Variants in CFAP299 observed in about 807,000 individuals in gnomAD.
CFAP299 encodes the protein cilia and flagella associated protein 299, also known as cilia- and flagella-associated protein 299.
Under a neutral mutation model 27.0 loss-of-function variants are expected in CFAP299, and 21 were observed. The observed-to-expected ratio is 0.78, with a 90% CI of 0.55 to 1.12. The LOEUF is 1.12. Among genes scored for constraint, CFAP299 ranks in the 50% most tolerant of loss-of-function variants. The pLI is 0.00. For synonymous variants in CFAP299, 104 were observed against 98.1 expected (o/e 1.06, Z -0.36); for missense variants, 310 against 276.6 (o/e 1.12, Z -0.86).
the CFAP299 span, among the ~76,000 whole-genome samples, chr4:80,321,563 C>A: frequency 6.6e-6 from 1 of 152,168 alleles, no homozygotes; most frequent in Non-Finnish European, 1.5e-5. Flanking sequence ...GCCGCTCCCC[C>A]ATCGCCACAC....
intron 3 of CFAP299, among the ~76,000 whole-genome samples, chr4:80,583,846 TAGTA>T (rs1381680167): frequency 1.3e-5 from 2 of 151,938 alleles, no homozygotes; most frequent in African/African-American, 4.8e-5. Context: ...GCTAAAACTG[TAGTA>T]AGTGACTGAC....
At chr4:80,457,294 C>T (rs116712134) in intron 2 of CFAP299, among the ~76,000 whole-genome samples, 139 of 152,216 alleles carry the variant, frequency 9.1e-4, no homozygotes, top group African/African-American at 3.1e-3. Context: ...CTAATAACAT[C>T]AACTTGAAAT....
intron 2 of CFAP299, among the ~76,000 whole-genome samples, chr4:80,555,786 G>A (rs1734751613): frequency 6.6e-6 from 1 of 152,082 alleles, no homozygotes; most frequent in Admixed American, 6.6e-5. Flanking sequence ...TATGGGCTCA[G>A]AGGTGCTCAT....
At chr4:80,696,176 G>T (rs915786108) in intron 3 of CFAP299, among the ~76,000 whole-genome samples, 1 of 151,524 alleles carries the variant, frequency 6.6e-6, no homozygotes, top group African/African-American at 2.4e-5. Context: ...TGGCACGCAC[G>T]TGTAATTCCA....
At chr4:80,755,061 C>A (rs1725156523) in intron 3 of CFAP299, among the ~76,000 whole-genome samples, 1 of 152,046 alleles carries the variant, frequency 6.6e-6, no homozygotes, top group African/African-American at 2.4e-5. Flanking sequence ...AAAGTTCAGT[C>A]TGAGGTTTTT....
rs537217138 is a variant in CFAP299, at chr4:80,840,420, T to C, written c.334-29573T>C. Reference sequence around the variant, plus strand: ...TGGAGTTTTGTCTTAAAGGTAAATGTTACCGGGTTATTTTGGCTTAGTTAT... The same window carrying C: ...TGGAGTTTTGTCTTAAAGGTAAATGCTACCGGGTTATTTTGGCTTAGTTAT... On this transcript the variant is annotated intron_variant, in intron 3 of 5. Coordinates refer to ENST00000358105, the MANE Select transcript of CFAP299 (RefSeq NM_152770.3). Among the ~76,000 whole-genome samples the C allele has an allele frequency of 2.6e-5, 4 of 152,242 alleles. No homozygotes were observed. In the South Asian group the frequency reaches 6.2e-4, roughly 24 times the overall value.
chr4:80,712,310 T>G (rs1339988050), intron 3 of CFAP299, among the ~76,000 whole-genome samples: 1 of 152,200 alleles, frequency 6.6e-6, no homozygotes, highest in Non-Finnish European at 1.5e-5. Flanking sequence ...GTGTTACTAT[T>G]CATATTAGAA....
intron 3 of CFAP299, among the ~76,000 whole-genome samples, chr4:80,691,286 A>T (rs1165950775): frequency 7.4e-6 from 1 of 135,358 alleles, no homozygotes; most frequent in Non-Finnish European, 1.6e-5. Flanking sequence ...TTGATGCAAA[A>T]ATCCTCAATA....
At chr4:80,691,591 T>C (rs1246460187) in intron 3 of CFAP299, among the ~76,000 whole-genome samples, 1 of 151,786 alleles carries the variant, frequency 6.6e-6, no homozygotes, top group African/African-American at 2.4e-5. Flanking sequence ...AATATCATAC[T>C]GAATGGGCAA....
intron 1 of CFAP299, among the ~76,000 whole-genome samples, chr4:80,355,059 G>A (rs765924995): frequency 6.6e-6 from 1 of 152,016 alleles, no homozygotes; most frequent in Non-Finnish European, 1.5e-5. Flanking sequence ...TTTCTGGGAC[G>A]AATGGTATTT....
At chr4:80,323,117 A>G in the CFAP299 span, among the ~76,000 whole-genome samples, 1 of 152,240 alleles carries the variant, frequency 6.6e-6, no homozygotes, top group African/African-American at 2.4e-5. Context: ...AAGAATGACA[A>G]ATTTCACCAG....
chr4:80,900,734 T>C (rs1383783381), intron 4 of CFAP299, among the ~76,000 whole-genome samples: 1 of 151,856 alleles, frequency 6.6e-6, no homozygotes, highest in Non-Finnish European at 1.5e-5. Flanking sequence ...TTAGTAGGAT[T>C]CAATAAATAG....
At chr4:80,898,513 C>A (rs1355159671) in intron 4 of CFAP299, among the ~76,000 whole-genome samples, 1 of 151,944 alleles carries the variant, frequency 6.6e-6, no homozygotes, top group African/African-American at 2.4e-5. Flanking sequence ...GAAAAGGCAA[C>A]ATTTAAGTAG....
intron 3 of CFAP299, among the ~76,000 whole-genome samples, chr4:80,641,535 T>C (rs1452629826): frequency 3.3e-5 from 5 of 152,292 alleles, no homozygotes; most frequent in African/African-American, 1.2e-4. Context: ...TTCAAAATGG[T>C]ATTTAGCTGA....
At chr4:80,678,223 C>T (rs182457406) in intron 3 of CFAP299, among the ~76,000 whole-genome samples, 56 of 151,822 alleles carry the variant, frequency 3.7e-4, no homozygotes, top group Non-Finnish European at 7.1e-4. Context: ...AATATGTTAC[C>T]CTCCCCTCAA....
chr4:80,366,668 T>C (rs1206620858), intron 2 of CFAP299, among the ~76,000 whole-genome samples: 4 of 152,134 alleles, frequency 2.6e-5, no homozygotes, highest in African/African-American at 9.7e-5. Flanking sequence ...TTCAAAAAAT[T>C]CAACGTAGAG....
intron 3 of CFAP299, among the ~76,000 whole-genome samples, chr4:80,800,768 T>TATAC (rs1560419832): frequency 3.1e-5 from 4 of 128,286 alleles, no homozygotes; most frequent in African/African-American, 1.3e-4. Flanking sequence ...TGTGTGTGTG[T>TATAC]ATATATATAT....
chr4:80,720,098 T>A (rs1722725510), intron 3 of CFAP299, among the ~76,000 whole-genome samples: 3 of 152,068 alleles, frequency 2.0e-5, no homozygotes. Context: ...GGTGGAACTT[T>A]CAGTATCAGA....
intron 2 of CFAP299, among the ~76,000 whole-genome samples, chr4:80,499,339 G>A (rs973943321): frequency 6.6e-6 from 1 of 151,948 alleles, no homozygotes; most frequent in African/African-American, 2.4e-5. Context: ...ATAATAATTT[G>A]GATGCATCGT....
Sources: allele counts gnomAD v4.1 joint callset (sites outside exome capture counted in the v4.1 genomes callset), GRCh38; gene constraint gnomAD v4.1.1; transcripts MANE v1.5; gene names NCBI Gene and HGNC (gene_info 2026-07-23, HGNC 2026-07-21).